Variants in PIP5K1B observed in about 807,000 individuals in gnomAD.
PIP5K1B encodes phosphatidylinositol 4-phosphate 5-kinase type-1 beta.
PIP5K1B carries 42 observed loss-of-function variants against 67.0 expected under a neutral mutation model. The observed-to-expected ratio is 0.63, with a 90% confidence interval of 0.49 to 0.81. PIP5K1B has a LOEUF of 0.81. Among genes scored for constraint, PIP5K1B ranks in the 30% least tolerant of loss-of-function variants. The pLI is 0.00. For missense variants in PIP5K1B, 459 were observed against 646.3 expected, an observed-to-expected ratio of 0.71 and a Z score of 3.14; for synonymous variants, 214 against 231.4, an observed-to-expected ratio of 0.92 and a Z score of 0.68.
intron 14 of PIP5K1B, among the ~76,000 whole-genome samples, chr9:68,942,947 G>A (rs1735933003): frequency 6.6e-6 from 1 of 152,068 alleles, no homozygotes. Flanking sequence ...CTCCAGGCTG[G>A]CACCAGGAAA....
intron 1 of PIP5K1B, among the ~76,000 whole-genome samples, chr9:68,734,115 G>A (rs533339858): frequency 6.6e-6 from 1 of 152,250 alleles, no homozygotes; most frequent in South Asian, 2.1e-4. Flanking sequence ...TAAAATGGGG[G>A]TAATTATATT....
At chr9:68,804,681 T>C (rs914737076) in intron 2 of PIP5K1B, among the ~76,000 whole-genome samples, 3 of 150,926 alleles carry the variant, frequency 2.0e-5, no homozygotes, top group Admixed American at 1.3e-4. Flanking sequence ...AGCTTTGAAC[T>C]CCTGAGTTCA....
At chr9:68,712,503 G>A (rs1302113741) in intron 1 of PIP5K1B, among the ~76,000 whole-genome samples, 1 of 152,202 alleles carries the variant, frequency 6.6e-6, no homozygotes, top group African/African-American at 2.4e-5. Flanking sequence ...GAGGGCAGAG[G>A]CCATGGTTCA....
At chr9:68,802,593 C>T (rs1201391316) in intron 2 of PIP5K1B, among the ~76,000 whole-genome samples, 2 of 152,190 alleles carry the variant, frequency 1.3e-5, no homozygotes, top group African/African-American at 2.4e-5. Context: ...AGAGAAGAAA[C>T]GCTGCCCTTT....
At chr9:68,859,217 A>G (rs1263180850) in intron 4 of PIP5K1B, among the ~76,000 whole-genome samples, 1 of 152,220 alleles carries the variant, frequency 6.6e-6, no homozygotes, top group African/African-American at 2.4e-5. Context: ...GTTAAAAGAC[A>G]GTGCTTTGAA....
At chr9:68,878,350 T>G (rs560217405) in intron 6 of PIP5K1B, among the ~76,000 whole-genome samples, 1 of 152,312 alleles carries the variant, frequency 6.6e-6, no homozygotes, top group Admixed American at 6.5e-5. Context: ...TGGAAGTCCA[T>G]TCTTTCATTC....
rs978016817 is a variant in PIP5K1B at position 68,894,733 on chromosome 9, A to G, written c.771+95A>G. 1.1e-5 allele frequency: 13 copies of G among 1,171,298 alleles called. No homozygotes were observed. The African/African-American group carries it at 2.0e-4, about 18-fold the overall frequency. 72.6% of individuals were successfully genotyped at this position (1,171,298 alleles called of 1,614,324 possible). A position where few individuals can be genotyped will look rare whatever the true frequency, so the allele number is the denominator to read the frequency against. On this transcript the variant is annotated intron_variant, in intron 8 of 15. Transcript: ENST00000265382. ...GAAAGCATAGAAATAAGGAATGTCC[A>G]AAGTGGCAGACATGTGGAATCCTAT...
intron 3 of PIP5K1B, among the ~76,000 whole-genome samples, chr9:68,819,922 A>T (rs545100018): frequency 1.1e-4 from 16 of 151,434 alleles, no homozygotes; most frequent in Admixed American, 2.6e-4. Flanking sequence ...GAAGTGTTTT[A>T]AAAAAAAATA....
intron 2 of PIP5K1B, among the ~76,000 whole-genome samples, chr9:68,761,420 G>T (rs1830179121): frequency 6.6e-6 from 1 of 152,064 alleles, no homozygotes; most frequent in Non-Finnish European, 1.5e-5. Context: ...TCTTCTCTGA[G>T]GTGAAATTTC....
chr9:68,762,791 A>G (rs899385097), intron 2 of PIP5K1B, among the ~76,000 whole-genome samples: 1 of 152,126 alleles, frequency 6.6e-6, no homozygotes, highest in Non-Finnish European at 1.5e-5. Flanking sequence ...AGTCACTTAG[A>G]AACGTTTATG....
rs146503317 is a variant in PIP5K1B at position 68,968,242 on chromosome 9, A to G, written c.1503-22898A>G. On this transcript the variant is annotated intron_variant, in intron 14 of 15. Transcript: ENST00000265382. ...CTATTTAAGGACCTGTTCTGGGGCC[A>G]GGCATGGTGGCTCACACCTGTAATC... 4.8e-3 allele frequency among the ~76,000 whole-genome samples: 736 copies of G among 152,310 alleles called. 6 individuals are homozygous for G. Among genetic ancestry groups the G allele is most frequent in the African/African-American group, 0.016 (678 of 41,582 alleles).
Position 68,880,481 on chromosome 9 carries a change from G to A in PIP5K1B, c.318+3687G>A, listed in dbSNP as rs545641174. ...GAGGCAGGAGAATCACTTGTACCCCGGAGGCAAAGGTTGCAGTGAGTTAAG... is the reference window on the plus strand; with the variant it reads ...GAGGCAGGAGAATCACTTGTACCCCAGAGGCAAAGGTTGCAGTGAGTTAAG... On this transcript the variant is annotated intron_variant, in intron 6 of 15. Coordinates refer to ENST00000265382, the MANE Select transcript of PIP5K1B (RefSeq NM_003558.4). 3.2e-3 allele frequency among the ~76,000 whole-genome samples: 484 copies of A among 151,944 alleles called. 2 individuals are homozygous for A. The highest frequency in any genetic ancestry group is 7.5e-3 in the African/African-American group (310 of 41,394).
At chr9:68,866,519 G>C (rs1691412926) in intron 5 of PIP5K1B, among the ~76,000 whole-genome samples, 1 of 151,970 alleles carries the variant, frequency 6.6e-6, no homozygotes, top group Non-Finnish European at 1.5e-5. Flanking sequence ...ATTTAAAATA[G>C]ATGCATGAAA....
At chr9:68,724,922 A>G (rs779844683) in intron 1 of PIP5K1B, among the ~76,000 whole-genome samples, 9 of 152,164 alleles carry the variant, frequency 5.9e-5, no homozygotes, top group African/African-American at 1.9e-4. Flanking sequence ...AATTTTGTAC[A>G]GGTTTATATC....
chr9:68,957,885 T>C lies in PIP5K1B; in HGVS notation c.1502+17095T>C, dbSNP rs578199425. Among the ~76,000 whole-genome samples, 73 of 152,100 alleles carry C rather than the reference T, an allele frequency of 4.8e-4. 1 individual carries two copies. Among genetic ancestry groups the C allele is most frequent in the African/African-American group, 1.6e-3 (66 of 41,502 alleles). On this transcript the variant is annotated intron_variant, in intron 14 of 15. Transcript: ENST00000265382. Reference sequence around the variant, plus strand: ...ACCTGTTTTCTTTTCTTTTTTTTTTTTCTCTTTAGACAAGGTCTGGCTCTG... The same window carrying C: ...ACCTGTTTTCTTTTCTTTTTTTTTTCTCTCTTTAGACAAGGTCTGGCTCTG...
intron 11 of PIP5K1B, 110 bp downstream of exon 11, chr9:68,919,839 G>A (rs1171148963): frequency 2.1e-5 from 13 of 611,056 alleles, no homozygotes; most frequent in East Asian, 8.5e-5. Context: ...ATGAAACAAC[G>A]GTCTTTATAA....
At chr9:68,727,153 GA>G (rs1475396722) in intron 1 of PIP5K1B, among the ~76,000 whole-genome samples, 4 of 152,110 alleles carry the variant, frequency 2.6e-5, no homozygotes, top group Non-Finnish European at 5.9e-5. Context: ...ACTTCAAGAG[GA>G]GGCCAGGGCA....
intron 1 of PIP5K1B, among the ~76,000 whole-genome samples, chr9:68,711,433 T>A (rs540547363): frequency 3.3e-5 from 5 of 152,196 alleles, no homozygotes; most frequent in African/African-American, 1.2e-4. Context: ...TATTTGACAA[T>A]GGAAAAGGTT....
Position 68,894,602 on chromosome 9 carries a change from C to A in PIP5K1B, c.735C>A (p.Tyr245Ter). 6.2e-7 allele frequency: 1 copy of A among 1,614,094 alleles called. No individual in the cohort carries two copies. Reference protein sequence around the residue: ...HEGLYFDTETYNALMKTLQRD... With the variant: ...HEGLYFDTET ...GGTTGTATTTTGATACGGAAACATA[C>A]AACGCGCTTATGAAAACACTTCAGA... The change falls in exon 8 of 16, where the codon TAC (tyrosine) becomes TAA (stop). Residue 245 changes from tyrosine to a stop codon, truncating the protein, a stop_gained. Coordinates refer to ENST00000265382, the MANE Select transcript of PIP5K1B (RefSeq NM_003558.4). LOFTEE classifies it high-confidence loss of function.
Sources: allele counts gnomAD v4.1 joint callset (sites outside exome capture counted in the v4.1 genomes callset), GRCh38; gene constraint gnomAD v4.1.1; transcripts MANE v1.5; gene names NCBI Gene and HGNC (gene_info 2026-07-23, HGNC 2026-07-21).